SETX: variants seen among roughly 807,000 people sequenced by gnomAD.
The protein encoded by SETX is senataxin, also known as helicase senataxin.
In SETX, 90 loss-of-function variants were observed where a neutral mutation model predicts 227.2. The ratio of observed to expected loss-of-function variants is 0.40; its 90% confidence interval spans 0.33 to 0.47. The LOEUF (loss-of-function observed/expected upper bound fraction) is 0.47, where lower values mean the gene tolerates loss of function less well. SETX is among the 20% of genes least tolerant of loss of function. The pLI is 0.91. For synonymous variants in SETX, 1,210 were observed against 1,113.2 expected (o/e 1.09, Z -1.73); for missense variants, 3,052 against 3,181.5 (o/e 0.96, Z 0.98).
chr9:132,315,031 G>C (rs966717504), intron 10 of SETX, among the ~76,000 whole-genome samples: 1 of 149,668 alleles, frequency 6.7e-6, no homozygotes, highest in Admixed American at 6.7e-5. Context: ...TCCTGCCTCA[G>C]CCTCCTGAGT....
chr9:132,326,316 ATACT>A lies in SETX; in HGVS notation c.5274+4_5274+7del, dbSNP rs1846750267. The stretch of plus-strand genomic sequence containing the variant: ...TTGGAGAGGCATACAAATGAAACAC[ATACT>A]TACTGTTTCAAAAGTATTCAATACC... On this transcript the variant is annotated splice_donor_5th_base_variant and intron_variant, in intron 10 of 25. Transcript: ENST00000224140. 7.0e-6 allele frequency: 11 copies of A among 1,567,884 alleles called. No individual in the cohort carries two copies. Among genetic ancestry groups the A allele is most frequent in the Non-Finnish European group, 8.8e-6 (10 of 1,140,734 alleles).
chr9:132,281,505 C>T lies in SETX; in HGVS notation c.6616G>A (p.Gly2206Arg). The T allele has an allele frequency of 6.2e-7, 1 of 1,613,942 alleles. No homozygotes were observed. Among genetic ancestry groups the T allele is most frequent in the Non-Finnish European group, 8.5e-7 (1 of 1,179,906 alleles). The change falls in exon 20 of 26, where the codon GGA (glycine) becomes AGA (arginine). Residue 2206 changes from glycine to arginine, a missense_variant. Coordinates refer to ENST00000224140, the MANE Select transcript of SETX (RefSeq NM_015046.7). The stretch of plus-strand genomic sequence containing the variant: ...GTCGGAGGGAGCTGCTTAGGATCTC[C>T]TACTAGGATGAGCTTATTGCAGCGA... Reference protein sequence around the residue: ...IHRCNKLILVGDPKQLPPTVI... With the variant: ...IHRCNKLILVRDPKQLPPTVI...
chr9:132,262,092 G>C lies in SETX; in HGVS notation c.*2147C>G. ...GCCGTCACAGGACACAGGCTCGTCT[G>C]TTAGAAAGGATGATCTAGTTCTACC... On this transcript the variant is annotated 3_prime_UTR_variant, in exon 26 of 26. Coordinates refer to ENST00000224140, the MANE Select transcript of SETX (RefSeq NM_015046.7). 1 of 152,414 alleles carries C rather than the reference G, an allele frequency of 6.6e-6. No individual in the cohort carries two copies. Among genetic ancestry groups the C allele is most frequent in the African/African-American group, 2.4e-5 (1 of 41,588 alleles). The allele number at this position is 152,414 out of a possible 1,614,324, so 9.4% of individuals were successfully genotyped here.
At chr9:132,334,315 G>A (rs996033158) in intron 7 of SETX, among the ~76,000 whole-genome samples, 2 of 152,150 alleles carry the variant, frequency 1.3e-5, no homozygotes, top group African/African-American at 4.8e-5. Context: ...GGGCGTGGTG[G>A]TGCACGCCTG....
chr9:132,324,260 A>G (rs191729309), intron 10 of SETX, among the ~76,000 whole-genome samples: 18 of 152,334 alleles, frequency 1.2e-4, no homozygotes, highest in African/African-American at 3.4e-4. Context: ...ACCTTAGGAA[A>G]AAAAAATAAT....
intron 4 of SETX, among the ~76,000 whole-genome samples, chr9:132,345,896 G>A (rs1288537597): frequency 6.6e-6 from 1 of 152,060 alleles, no homozygotes; most frequent in Non-Finnish European, 1.5e-5. Context: ...GCACACGCCT[G>A]TACTCCCAGC....
intron 19 of SETX, among the ~76,000 whole-genome samples, chr9:132,281,857 G>A (rs1843532937): frequency 6.6e-6 from 1 of 151,720 alleles, no homozygotes. Context: ...TGGCCAACAT[G>A]GCGCAACCAA....
chr9:132,300,130 C>CAAAAAA (rs72582907), intron 12 of SETX, among the ~76,000 whole-genome samples: 1 of 47,192 alleles, frequency 2.1e-5, no homozygotes. Flanking sequence ...AACTCCGTCT[C>CAAAAAA]AAAAAAAAAA....
chr9:132,338,090 CTTTTT>C (rs71376637), intron 5 of SETX, among the ~76,000 whole-genome samples: 2 of 126,514 alleles, frequency 1.6e-5, no homozygotes, highest in African/African-American at 3.0e-5. Flanking sequence ...GAGGAACACT[CTTTTT>C]TTTTTTTTTT....
intron 7 of SETX, among the ~76,000 whole-genome samples, chr9:132,333,728 T>C (rs886726218): frequency 1.3e-5 from 2 of 151,766 alleles, no homozygotes; most frequent in Non-Finnish European, 2.9e-5. Flanking sequence ...TGACTACAAG[T>C]TTTAGGCCTC....
Position 132,331,035 on chromosome 9 carries a change from T to A in SETX, c.1098+17A>T, listed in dbSNP as rs779596143. The A allele has an allele frequency of 6.4e-7, 1 of 1,563,816 alleles. No homozygotes were observed. The highest frequency in any genetic ancestry group is 8.8e-7 in the Non-Finnish European group (1 of 1,133,764). On this transcript the variant is annotated intron_variant, in intron 9 of 25. Coordinates refer to ENST00000224140, the MANE Select transcript of SETX (RefSeq NM_015046.7). ...AAGGCAATAAAATAGCATCTGAATT[T>A]TCAAAGTGTTTTATACCTTTTTGGT...
intron 11 of SETX, among the ~76,000 whole-genome samples, chr9:132,308,078 AGAG>A (rs1270646460): frequency 6.6e-6 from 1 of 152,238 alleles, no homozygotes; most frequent in Non-Finnish European, 1.5e-5. Context: ...AAATAGTAGT[AGAG>A]AATTTTCTCT....
chr9:132,297,060 TA>T lies in SETX; in HGVS notation c.5782-7del. The T allele has an allele frequency of 6.2e-7, 1 of 1,607,448 alleles. No homozygotes were observed. Among genetic ancestry groups the T allele is most frequent in the Non-Finnish European group, 8.5e-7 (1 of 1,175,796 alleles). On this transcript the variant is annotated splice_polypyrimidine_tract_variant and splice_region_variant and intron_variant, in intron 13 of 25. Transcript: ENST00000224140. The stretch of plus-strand genomic sequence containing the variant: ...AAATCTCTTAAGTACGCAATCTATA[TA>T]AAAAACACATTTTTGAGAATGAGTT...
chr9:132,352,404 C>A (rs1848647215), intron 2 of SETX, among the ~76,000 whole-genome samples: 1 of 152,160 alleles, frequency 6.6e-6, no homozygotes, highest in Non-Finnish European at 1.5e-5. Context: ...TACTTCAAAC[C>A]ACTGCTTCAA....
chr9:132,291,600 G>A (rs1035309203), intron 15 of SETX, among the ~76,000 whole-genome samples: 1 of 152,114 alleles, frequency 6.6e-6, no homozygotes, highest in African/African-American at 2.4e-5. Flanking sequence ...TAAGCTCAGG[G>A]GAATGTTAAG....
chr9:132,311,961 T>C (rs1023570001), intron 10 of SETX, 105 bp from the exon 11 acceptor site: 2 of 920,742 alleles, frequency 2.2e-6, no homozygotes, highest in African/African-American at 3.3e-5. Flanking sequence ...GAAGCTAGAA[T>C]CTAGGTGACA....
rs951479241 is a variant in SETX, at chr9:132,346,586, T to C, written c.178-115A>G. ...TACAAAAATTCTGAAATGTAAAGTA[T>C]TAGAGCTTGTATTTTAGATTTAAAG... On this transcript the variant is annotated intron_variant, in intron 3 of 25. Transcript: ENST00000224140. 8.2e-6 allele frequency: 6 copies of C among 733,460 alleles called. No individual in the cohort carries two copies. In the African/African-American group the frequency reaches 1.1e-4, roughly 13 times the overall value. The allele number at this position is 733,460 out of a possible 1,614,324, so 45.4% of individuals were successfully genotyped here. A position where few individuals can be genotyped will look rare whatever the true frequency, so the allele number is the denominator to read the frequency against.
intron 23 of SETX, chr9:132,274,944 G>A (rs1843080226): frequency 2.9e-6 from 1 of 345,012 alleles, no homozygotes; most frequent in South Asian, 4.5e-5. Flanking sequence ...AAAGTGAAAT[G>A]TTACTTTTAG....
Position 132,326,480 on chromosome 9 carries a change from T to G in SETX, c.5118A>C (p.Leu1706Phe). The change falls in exon 10 of 26, where the codon TTA (leucine) becomes TTC (phenylalanine). Residue 1706 changes from leucine (L) to phenylalanine (F), a missense_variant. Coordinates refer to ENST00000224140, the MANE Select transcript of SETX (RefSeq NM_015046.7). ...SVSDTFVKEV[L>F]KWKYEMFLNF... ...TCAAAAACATTTCATATTTCCATTTTAAGACCTCTTTAACGAAGGTGTCAG... is the reference window on the plus strand; with the variant it reads ...TCAAAAACATTTCATATTTCCATTTGAAGACCTCTTTAACGAAGGTGTCAG... 6.2e-7 allele frequency: 1 copy of G among 1,614,222 alleles called. No individual in the cohort carries two copies. Among genetic ancestry groups the G allele is most frequent in the Non-Finnish European group, 8.5e-7 (1 of 1,180,048 alleles).
Sources: allele counts gnomAD v4.1 joint callset (sites outside exome capture counted in the v4.1 genomes callset), GRCh38; gene constraint gnomAD v4.1.1; transcripts MANE v1.5; gene names NCBI Gene and HGNC (gene_info 2026-07-23, HGNC 2026-07-21).